Variants in SYT6 observed in about 807,000 individuals in gnomAD.
The protein encoded by SYT6 is synaptotagmin-6.
SYT6 carries 24 observed loss-of-function variants against 38.4 expected under a neutral mutation model. That is an observed-to-expected ratio of 0.62 (90% CI 0.45 to 0.88). The LOEUF (loss-of-function observed/expected upper bound fraction) is 0.88. SYT6 is among the 40% of genes least tolerant of loss of function. The probability of loss-of-function intolerance (pLI) is 0.00; values close to 1 mark genes in which losing one functional copy is unlikely to be tolerated. For synonymous variants in SYT6, 265 were observed against 241.9 expected (o/e 1.10, Z -0.89); for missense variants, 611 against 621.0 (o/e 0.98, Z 0.17).
chr1:114,138,459 C>T, intron 2 of SYT6, among the ~76,000 whole-genome samples: 1 of 152,166 alleles, frequency 6.6e-6, no homozygotes, highest in East Asian at 1.9e-4. Context: ...ACTTCATCAC[C>T]ATCATCACCA....
At chr1:114,142,087 C>T (rs988047982) in intron 1 of SYT6, among the ~76,000 whole-genome samples, 3 of 152,156 alleles carry the variant, frequency 2.0e-5, no homozygotes, top group Non-Finnish European at 2.9e-5. Flanking sequence ...CATTCTGCAG[C>T]CCATGGATCA....
intron 7 of SYT6, among the ~76,000 whole-genome samples, chr1:114,093,137 T>C (rs1411588820): frequency 6.6e-6 from 1 of 152,132 alleles, no homozygotes; most frequent in African/African-American, 2.4e-5. Context: ...GCATCATGCA[T>C]ACATGGAGGT....
chr1:114,099,357 C>T, intron 4 of SYT6, 92 bp from the exon 5 acceptor site: 1 of 1,326,592 alleles, frequency 7.5e-7, no homozygotes, highest in Non-Finnish European at 1.0e-6. Flanking sequence ...AGCCCTAGAC[C>T]TACTGCTGCT....
chr1:114,128,149 C>T (rs1296205443), intron 3 of SYT6, among the ~76,000 whole-genome samples: 1 of 152,190 alleles, frequency 6.6e-6, no homozygotes, highest in Non-Finnish European at 1.5e-5. Context: ...GCCACCCAGG[C>T]CCCCAGACTC....
chr1:114,113,181 G>A (rs1224759533), intron 3 of SYT6, among the ~76,000 whole-genome samples: 1 of 152,146 alleles, frequency 6.6e-6, no homozygotes, highest in Non-Finnish European at 1.5e-5. Flanking sequence ...CCATGGCAAG[G>A]TGCTCCATAG....
intron 1 of SYT6, 67 bp from the exon 2 acceptor site, chr1:114,140,030 G>T (rs1678770821): frequency 3.1e-5 from 29 of 940,268 alleles, no homozygotes; most frequent in Non-Finnish European, 4.2e-5. Flanking sequence ...GGGTGAGGGT[G>T]TTGGAGGAGG....
rs575880341 is a variant in SYT6, at chr1:114,090,097, C to T, written c.*2037G>A. 6.6e-6 allele frequency: 1 copy of T among 152,344 alleles called. No homozygotes were observed. The highest frequency in any genetic ancestry group is 1.5e-5 in the Non-Finnish European group (1 of 68,036). The allele number at this position is 152,344 out of a possible 1,614,324, so 9.4% of individuals were successfully genotyped here. ...TCTGGACTCCTTATGACCCAGGGAACTCAGTTGTCTCCTTTGTAATGGCAA... is the reference window on the plus strand; with the variant it reads ...TCTGGACTCCTTATGACCCAGGGAATTCAGTTGTCTCCTTTGTAATGGCAA... On this transcript the variant is annotated 3_prime_UTR_variant, in exon 8 of 8. Transcript: ENST00000610222.
chr1:114,153,435 C>T (rs1191454652), intron 1 of SYT6, among the ~76,000 whole-genome samples, 175 bp downstream of exon 1: 1 of 152,278 alleles, frequency 6.6e-6, no homozygotes, highest in Non-Finnish European at 1.5e-5. Context: ...CCCTTCGGGT[C>T]TCTCCTGGCT....
rs1557729904 is a variant in SYT6, at chr1:114,097,893, A to G, written c.1365-16T>C. On this transcript the variant is annotated splice_polypyrimidine_tract_variant and intron_variant, in intron 5 of 7. Transcript: ENST00000610222. ...GTGGCCCACTCTGAGGGAGAAACAA[A>G]AGTCCCAGCACTGGCTACCAGACAT... is the stretch of plus-strand genomic sequence containing the variant. 1 of 1,613,416 alleles carries G rather than the reference A, an allele frequency of 6.2e-7. No homozygotes were observed.
At chr1:114,103,566 G>T in intron 4 of SYT6, 35 bp downstream of exon 4, 1 of 1,612,714 alleles carries the variant, frequency 6.2e-7, no homozygotes, top group Non-Finnish European at 8.5e-7. Context: ...CTAATGTCTG[G>T]GCTGCTGGCA....
chr1:114,125,881 T>A (rs17032409), intron 3 of SYT6, among the ~76,000 whole-genome samples: 4 of 151,994 alleles, frequency 2.6e-5, no homozygotes, highest in Non-Finnish European at 5.9e-5. Context: ...GTCTTAGATC[T>A]TCCTTGCATG....
intron 4 of SYT6, 124 bp downstream of exon 4, chr1:114,103,477 G>A (rs1162779589): frequency 7.4e-7 from 1 of 1,344,010 alleles, no homozygotes; most frequent in Admixed American, 2.3e-5. Context: ...AATCCAGGCA[G>A]TTTGTGTCCA....
intron 3 of SYT6, among the ~76,000 whole-genome samples, chr1:114,107,135 C>T (rs903130329): frequency 1.1e-4 from 17 of 152,206 alleles, no homozygotes; most frequent in African/African-American, 3.9e-4. Flanking sequence ...GCGGAGTTGC[C>T]TGCGCTTTCA....
rs145786586 is a variant in SYT6, at chr1:114,129,007, C to T, written c.1071+8488G>A. Among the ~76,000 whole-genome samples, 1,158 of 152,304 alleles carry T rather than the reference C, an allele frequency of 7.6e-3. 7 individuals are homozygous for T. The highest frequency in any genetic ancestry group is 0.027 in the Middle Eastern group (8 of 294). ...TTATATCCAGCTTCCTATGTAGCAT[C>T]GCCACTTGGATGTCCAAAAGGTATC... is the stretch of plus-strand genomic sequence containing the variant. On this transcript the variant is annotated intron_variant, in intron 3 of 7. Transcript: ENST00000610222.
rs1372438440 is a variant in SYT6 at position 114,139,890 on chromosome 1, G to C, written c.237C>G (p.Leu79=). The C allele has an allele frequency of 2.5e-5, 39 of 1,538,176 alleles. No individual in the cohort carries two copies. The highest frequency in any genetic ancestry group is 3.4e-5 in the Non-Finnish European group (39 of 1,145,878). The change falls in exon 2 of 8, where the codon CTC becomes CTG. Residue 79 remains leucine, a synonymous_variant. Transcript: ENST00000610222. ...GVALVAVFLF[L]FWKLCWMPWR... is the part of the protein sequence containing the mutation. Reference sequence around the variant, plus strand: ...AGGGCATCCAGCACAGCTTCCAAAAGAGAAAGAGAAAAACTGCCACCAGGG... The same window carrying C: ...AGGGCATCCAGCACAGCTTCCAAAACAGAAAGAGAAAAACTGCCACCAGGG...
Position 114,092,087 on chromosome 1 carries a change from A to G in SYT6, c.*52-5T>C, listed in dbSNP as rs1383488638. On this transcript the variant is annotated splice_region_variant and splice_polypyrimidine_tract_variant and intron_variant, in intron 7 of 7. Transcript: ENST00000610222. Reference sequence around the variant, plus strand: ...GCTAGCAGCTCGGCCCTGCCACTGCAAAGAGGAGAACAATCTGTTTATTAA... The same window carrying G: ...GCTAGCAGCTCGGCCCTGCCACTGCGAAGAGGAGAACAATCTGTTTATTAA... The G allele has an allele frequency of 1.3e-6, 2 of 1,536,180 alleles. No individual in the cohort carries two copies. The highest frequency in any genetic ancestry group is 2.0e-5 in the Admixed American group (1 of 50,994).
chr1:114,099,345 G>A (rs993917683), intron 4 of SYT6, 80 bp from the exon 5 acceptor site: 46 of 1,459,648 alleles, frequency 3.2e-5, no homozygotes, highest in African/African-American at 4.2e-5. Flanking sequence ...CAAAGGGACC[G>A]AAGCCCTAGA....
chr1:114,122,481 T>TTGTGTG (rs142500087), intron 3 of SYT6, among the ~76,000 whole-genome samples: 4 of 148,162 alleles, frequency 2.7e-5, no homozygotes, highest in African/African-American at 1.0e-4. Flanking sequence ...GCATGTACAT[T>TTGTGTG]TGTGTGTGTG....
rs567989998 is a variant in SYT6 at position 114,110,185 on chromosome 1, C to T, written c.1072-6464G>A. On this transcript the variant is annotated intron_variant, in intron 3 of 7. Coordinates refer to ENST00000610222, the MANE Select transcript of SYT6 (RefSeq NM_001253772.2). The stretch of plus-strand genomic sequence containing the variant: ...CTCAGTCCACTGTGTCACCTTCAAC[C>T]CAGACACCCACACCAGAGACCATTT... Among the ~76,000 whole-genome samples the T allele has an allele frequency of 6.4e-4, 98 of 152,332 alleles. No homozygotes were observed. In the Middle Eastern group the frequency reaches 0.041, roughly 63 times the overall value.
Sources: allele counts gnomAD v4.1 joint callset (sites outside exome capture counted in the v4.1 genomes callset), GRCh38; gene constraint gnomAD v4.1.1; transcripts MANE v1.5; gene names NCBI Gene and HGNC (gene_info 2026-07-23, HGNC 2026-07-21).